The following STXBP6 variants were observed in gnomAD, a reference collection of about 807,000 sequenced individuals.
STXBP6 encodes the protein syntaxin binding protein 6, also known as syntaxin-binding protein 6.
In STXBP6, 21 loss-of-function variants were observed where a neutral mutation model predicts 26.9. The observed-to-expected ratio is 0.78, with a 90% CI of 0.55 to 1.12. The LOEUF (loss-of-function observed/expected upper bound fraction) is 1.12, where lower values mean the gene tolerates loss of function less well. STXBP6 is among the 50% of genes most tolerant of loss of function. The pLI is 0.00. For synonymous variants in STXBP6, 97 were observed against 92.6 expected, an observed-to-expected ratio of 1.05 and a Z score of -0.27; for missense variants, 232 against 257.9, an observed-to-expected ratio of 0.90 and a Z score of 0.69.
intron 2 of STXBP6, among the ~76,000 whole-genome samples, chr14:24,863,812 G>C (rs1378221983): frequency 6.6e-6 from 1 of 152,006 alleles, no homozygotes; most frequent in Non-Finnish European, 1.5e-5. Context: ...AAATAAATTT[G>C]CATGAATTTT....
chr14:25,027,440 T>C (rs2075369206), intron 1 of STXBP6, among the ~76,000 whole-genome samples: 1 of 152,190 alleles, frequency 6.6e-6, no homozygotes, highest in Non-Finnish European at 1.5e-5. Context: ...ACTTAATCAA[T>C]AAATGCACGT....
At chr14:24,957,127 GT>G (rs1386297786) in intron 2 of STXBP6, among the ~76,000 whole-genome samples, 1 of 152,116 alleles carries the variant, frequency 6.6e-6, no homozygotes, top group African/African-American at 2.4e-5. Context: ...GGTATGAGTT[GT>G]CCCCATTGTC....
At chr14:24,815,879 C>G (rs889162263) in intron 5 of STXBP6, 3 of 152,198 alleles carry the variant, frequency 2.0e-5, no homozygotes, top group African/African-American at 4.8e-5. Flanking sequence ...TTCCTCAAAC[C>G]AGGCTCACCA....
intron 4 of STXBP6, among the ~76,000 whole-genome samples, chr14:24,836,901 T>C (rs960763784): frequency 2.6e-5 from 4 of 152,204 alleles, no homozygotes; most frequent in Non-Finnish European, 4.4e-5. Context: ...CCTTACTAAC[T>C]TGCAGCTGCA....
intron 4 of STXBP6, among the ~76,000 whole-genome samples, chr14:24,833,421 A>C (rs960999828): frequency 6.6e-6 from 1 of 152,210 alleles, no homozygotes. Context: ...CAGCTCATTA[A>C]ACTAGGAGCT....
At chr14:24,929,503 T>C (rs558596927) in intron 2 of STXBP6, among the ~76,000 whole-genome samples, 40 of 152,200 alleles carry the variant, frequency 2.6e-4, no homozygotes, top group Non-Finnish European at 4.4e-4. Flanking sequence ...AAAGTAATAG[T>C]TTGCAGTCCT....
At chr14:24,856,130 T>C (rs1406768026) in intron 3 of STXBP6, 29 bp from the exon 4 acceptor site, 2 of 1,550,786 alleles carry the variant, frequency 1.3e-6, no homozygotes, top group African/African-American at 2.8e-5. Context: ...TAACTACTAA[T>C]CTCAATCTAT....
rs978987535 is a variant in STXBP6, at chr14:24,812,875, T to C, written c.610-143A>G. On this transcript the variant is annotated intron_variant, in intron 5 of 5. Coordinates refer to ENST00000323944, the MANE Select transcript of STXBP6 (RefSeq NM_001394410.1). ...TCTGTGGCAGATCACCGTTACTAAT[T>C]ACAGTAGCACCTTTAAATGTGCAAC... is the stretch of plus-strand genomic sequence containing the variant. 10 of 756,732 alleles carry C rather than the reference T, an allele frequency of 1.3e-5. No homozygotes were observed. In the East Asian group the frequency reaches 2.7e-4, roughly 20 times the overall value. 46.9% of individuals were successfully genotyped at this position (756,732 alleles called of 1,614,324 possible). A position where few individuals can be genotyped will look rare whatever the true frequency, so the allele number is the denominator to read the frequency against.
At chr14:24,835,912 G>T (rs924857248) in intron 4 of STXBP6, among the ~76,000 whole-genome samples, 1 of 152,060 alleles carries the variant, frequency 6.6e-6, no homozygotes, top group Non-Finnish European at 1.5e-5. Context: ...TGTATCTATG[G>T]GTAAACCAAA....
At chr14:24,829,283 T>C (rs1203892234) in intron 4 of STXBP6, among the ~76,000 whole-genome samples, 1 of 152,214 alleles carries the variant, frequency 6.6e-6, no homozygotes, top group Non-Finnish European at 1.5e-5. Context: ...GTCTTGTCTG[T>C]TTAAAGTATC....
chr14:24,861,639 A>G (rs854337), intron 2 of STXBP6, among the ~76,000 whole-genome samples: 103,556 of 152,152 alleles, frequency 0.68, 35,385 homozygotes, highest in East Asian at 0.81. Context: ...TTTATAAAGC[A>G]TAAAAGCAAA....
chr14:24,875,421 G>A (rs1324295825), intron 2 of STXBP6, among the ~76,000 whole-genome samples: 4 of 152,174 alleles, frequency 2.6e-5, no homozygotes, highest in Admixed American at 2.0e-4. Context: ...CATTTTAAAC[G>A]TCCAACACAC....
intron 1 of STXBP6, among the ~76,000 whole-genome samples, chr14:25,029,980 A>T (rs1026793989): frequency 2.6e-5 from 4 of 151,752 alleles, no homozygotes; most frequent in Non-Finnish European, 5.9e-5. Context: ...TATGCAAGGC[A>T]GGGAGCTGAA....
At chr14:24,961,974 A>G (rs2073556071) in intron 2 of STXBP6, among the ~76,000 whole-genome samples, 1 of 152,148 alleles carries the variant, frequency 6.6e-6, no homozygotes, top group African/African-American at 2.4e-5. Flanking sequence ...ATCTAACACT[A>G]ATATATTAGA....
intron 1 of STXBP6, among the ~76,000 whole-genome samples, chr14:25,003,018 C>G (rs1196866424): frequency 6.6e-6 from 1 of 152,252 alleles, no homozygotes; most frequent in East Asian, 1.9e-4. Context: ...TGAGCCACCG[C>G]GGCCGGCCTA....
chr14:24,981,833 A>G (rs2074200452), intron 1 of STXBP6, among the ~76,000 whole-genome samples: 1 of 152,236 alleles, frequency 6.6e-6, no homozygotes, highest in Non-Finnish European at 1.5e-5. Flanking sequence ...TAAATACAGT[A>G]TAGCCCATCC....
chr14:24,849,276 G>T (rs2139104352), intron 4 of STXBP6, among the ~76,000 whole-genome samples: 1 of 152,178 alleles, frequency 6.6e-6, no homozygotes, highest in African/African-American at 2.4e-5. Context: ...CAATGAGGAG[G>T]ATGGAGTGAT....
At chr14:24,988,888 G>C (rs1363578365) in intron 1 of STXBP6, among the ~76,000 whole-genome samples, 1 of 152,208 alleles carries the variant, frequency 6.6e-6, no homozygotes, top group Non-Finnish European at 1.5e-5. Context: ...TTGGTACTAA[G>C]TGTTCTTGAA....
At position 24,812,401 on chromosome 14, in the gene STXBP6, C is replaced by CA; in HGVS notation, c.*307dup. ...TGGTCCAAATTTCATATTCAAACTA[C>CA]AAAAAATATTTTTTAATAAAGAAAA... On this transcript the variant is annotated 3_prime_UTR_variant, in exon 6 of 6. Transcript: ENST00000323944. 4.1e-6 allele frequency: 1 copy of CA among 241,702 alleles called. No homozygotes were observed. The highest frequency in any genetic ancestry group is 5.1e-5 in the Admixed American group (1 of 19,452). 15.0% of individuals were successfully genotyped at this position (241,702 alleles called of 1,614,324 possible). A position where few individuals can be genotyped will look rare whatever the true frequency, so the allele number is the denominator to read the frequency against.
Sources: allele counts gnomAD v4.1 joint callset (sites outside exome capture counted in the v4.1 genomes callset), GRCh38; gene constraint gnomAD v4.1.1; transcripts MANE v1.5; gene names NCBI Gene and HGNC (gene_info 2026-07-23, HGNC 2026-07-21).